The following EDNRB variants were observed in gnomAD, a reference collection of about 807,000 sequenced individuals.
EDNRB encodes endothelin receptor type B.
EDNRB carries 18 observed loss-of-function variants against 46.4 expected under a neutral mutation model. The observed-to-expected ratio is 0.39, with a 90% CI of 0.27 to 0.57. The LOEUF is 0.57. Among genes scored for constraint, EDNRB ranks in the 20% least tolerant of loss-of-function variants. The pLI, the probability that EDNRB is intolerant of heterozygous loss-of-function variation, is 0.61. For missense variants in EDNRB, 434 were observed against 537.5 expected (o/e 0.81, Z 1.90); for synonymous variants, 213 against 204.9 (o/e 1.04, Z -0.34).
chr13:77,951,001 G>A (rs539361448), intron 1 of EDNRB, among the ~76,000 whole-genome samples: 1 of 152,178 alleles, frequency 6.6e-6, no homozygotes, highest in Non-Finnish European at 1.5e-5. Context: ...TTTAAGGCCA[G>A]CTACATTAAT....
At chr13:77,917,673 C>A (rs962522873) in intron 1 of EDNRB, among the ~76,000 whole-genome samples, 3 of 152,180 alleles carry the variant, frequency 2.0e-5, no homozygotes, top group Non-Finnish European at 4.4e-5. Flanking sequence ...TCCTTCAGGA[C>A]TAGTGGTTCT....
upstream of EDNRB, chr13:77,918,951 G>T (rs1879968746): frequency 1.8e-6 from 2 of 1,123,652 alleles, no homozygotes; most frequent in Non-Finnish European, 2.2e-6. This position sits in a 1 kb window ranked among gnomAD's most constrained non-coding sequence, Gnocchi z 4.5. Flanking sequence ...CACGTAACGG[G>T]AGGAATACAG....
chr13:77,919,084 A>C (rs12720158), upstream of EDNRB: 6,710 of 494,698 alleles, frequency 0.014, 100 homozygotes, highest in East Asian at 0.017. Flanking sequence ...TGAACTCGAA[A>C]GACTCCTCCC....
intron 1 of EDNRB, 116 bp from the exon 2 acceptor site, chr13:77,903,723 T>G: frequency 1.2e-6 from 1 of 852,616 alleles, no homozygotes; most frequent in Non-Finnish European, 1.9e-6. Context: ...GTTGTCATTC[T>G]TTTTCTCATG....
At chr13:77,963,389 C>A (rs1048615050) in intron 1 of EDNRB, among the ~76,000 whole-genome samples, 1 of 152,112 alleles carries the variant, frequency 6.6e-6, no homozygotes, top group Non-Finnish European at 1.5e-5. Flanking sequence ...GCTACAGTAA[C>A]CAAAACAGCA....
At chr13:77,923,971 T>A (rs1880160745), upstream of EDNRB, among the ~76,000 whole-genome samples, 1 of 152,222 alleles carries the variant, frequency 6.6e-6, no homozygotes, top group African/African-American at 2.4e-5. Flanking sequence ...GGAAATACCT[T>A]TTAATCAAAA....
intron 1 of EDNRB, among the ~76,000 whole-genome samples, chr13:77,975,148 C>T (rs977364599): frequency 1.3e-5 from 2 of 152,122 alleles, no homozygotes; most frequent in Non-Finnish European, 2.9e-5. Context: ...ACCAAAGTGC[C>T]GGTACAGGCA....
At chr13:77,908,105 G>T (rs1238761994) in intron 1 of EDNRB, among the ~76,000 whole-genome samples, 2 of 150,132 alleles carry the variant, frequency 1.3e-5, no homozygotes, top group South Asian at 2.1e-4. Context: ...TTTAGAACTG[G>T]ATGCTATTGG....
intron 1 of EDNRB, among the ~76,000 whole-genome samples, chr13:77,954,059 C>G (rs993132447): frequency 1.3e-5 from 2 of 152,168 alleles, no homozygotes; most frequent in Admixed American, 6.5e-5. Flanking sequence ...ATATCCTTAT[C>G]TACTTCCCCC....
intron 1 of EDNRB, among the ~76,000 whole-genome samples, chr13:77,916,201 G>A (rs112081467): frequency 6.6e-6 from 1 of 152,160 alleles, no homozygotes; most frequent in Non-Finnish European, 1.5e-5. Flanking sequence ...TGCCAACCTA[G>A]CAAAACTAGA....
intron 1 of EDNRB, chr13:77,939,528 T>A (rs1880675504): frequency 6.6e-6 from 1 of 152,248 alleles, no homozygotes. Context: ...AATGAAGTCA[T>A]GAATGAAAAC....
chr13:77,941,727 C>G (rs1343444239), intron 1 of EDNRB, among the ~76,000 whole-genome samples: 1 of 152,144 alleles, frequency 6.6e-6, no homozygotes, highest in Non-Finnish European at 1.5e-5. Context: ...GACAGTAGGA[C>G]AGGGACAGTT....
At position 77,909,728 on chromosome 13, in the gene EDNRB, G is replaced by T. The variant is rs576518343; in HGVS notation, c.484-6121C>A. ...AATGTTTGTTAAGTAACGATGAACG[G>T]ATGAGTGGATGAATGAATTTGATCA... On this transcript the variant is annotated intron_variant, in intron 1 of 6. Coordinates refer to ENST00000646607, the MANE Select transcript of EDNRB (RefSeq NM_001122659.3). 1.2e-4 allele frequency among the ~76,000 whole-genome samples: 19 copies of T among 152,186 alleles called. No individual in the cohort carries two copies. In the East Asian group the frequency reaches 3.7e-3, roughly 29 times the overall value.
At chr13:77,950,742 GCT>G (rs1331510714) in intron 1 of EDNRB, among the ~76,000 whole-genome samples, 2 of 152,152 alleles carry the variant, frequency 1.3e-5, no homozygotes, top group African/African-American at 2.4e-5. Context: ...CCAGTAGGAG[GCT>G]CTTTCTCTTG....
At chr13:77,931,928 G>A (rs1443918033) in intron 1 of EDNRB, among the ~76,000 whole-genome samples, 2 of 151,824 alleles carry the variant, frequency 1.3e-5, no homozygotes, top group Admixed American at 1.3e-4. Flanking sequence ...TAGCTCACAA[G>A]TTAGTTTTTA....
intron 3 of EDNRB, among the ~76,000 whole-genome samples, chr13:77,902,600 C>T (rs1879052655): frequency 6.6e-6 from 1 of 151,848 alleles, no homozygotes; most frequent in Non-Finnish European, 1.5e-5. Context: ...AACTACTCAC[C>T]CCACCACTCC....
At chr13:77,930,810 T>C (rs1252243429) in intron 1 of EDNRB, among the ~76,000 whole-genome samples, 2 of 152,238 alleles carry the variant, frequency 1.3e-5, no homozygotes, top group African/African-American at 4.8e-5. Context: ...TTTGGCTAAA[T>C]GCATGCAGTG....
intron 1 of EDNRB, among the ~76,000 whole-genome samples, chr13:77,949,556 A>C (rs954084521): frequency 6.6e-5 from 10 of 152,156 alleles, no homozygotes; most frequent in African/African-American, 2.4e-4. Flanking sequence ...CTTCCACTTC[A>C]ACTCAGCCTT....
intron 1 of EDNRB, among the ~76,000 whole-genome samples, chr13:77,927,361 C>T (rs1407870485): frequency 6.6e-6 from 1 of 152,070 alleles, no homozygotes; most frequent in Non-Finnish European, 1.5e-5. Flanking sequence ...CTGGGCTTGC[C>T]TGAAATTATA....
Sources: gnomAD v4.1 joint callset for allele counts (sites outside exome capture counted in the v4.1 genomes callset) on GRCh38, gnomAD v4.1.1 for gene constraint, Gnocchi (gnomAD v3.1) non-coding constraint, MANE v1.5 for transcripts, NCBI Gene and HGNC (gene_info 2026-07-23, HGNC 2026-07-21) for gene names.